ZNF438: variants seen among roughly 807,000 people sequenced by gnomAD.
ZNF438 encodes zinc finger protein 438.
A neutral mutation model predicts 38.0 loss-of-function variants in ZNF438; 25 were observed. The observed-to-expected ratio is 0.66, with a 90% confidence interval of 0.48 to 0.92. ZNF438 has a LOEUF of 0.92. ZNF438 is among the 40% of genes least tolerant of loss of function. ZNF438 has a pLI of 0.00. For missense variants in ZNF438, 1,007 were observed against 999.6 expected, an observed-to-expected ratio of 1.01 and a Z score of -0.10; for synonymous variants, 372 against 364.1, an observed-to-expected ratio of 1.02 and a Z score of -0.25.
chr10:30,974,985 C>A (rs1301628054), intron 1 of ZNF438, among the ~76,000 whole-genome samples: 12 of 152,164 alleles, frequency 7.9e-5, no homozygotes, highest in Admixed American at 3.3e-4. Flanking sequence ...ACCTGATAAT[C>A]CTGGAGAGGC....
intron 4 of ZNF438, among the ~76,000 whole-genome samples, chr10:30,859,290 C>T (rs559964113): frequency 2.6e-5 from 4 of 152,132 alleles, no homozygotes; most frequent in Non-Finnish European, 4.4e-5. Context: ...TATTTCCAGG[C>T]TGGTCTTGAA....
At chr10:31,013,758 C>T (rs1020621018) in intron 1 of ZNF438, among the ~76,000 whole-genome samples, 2 of 152,224 alleles carry the variant, frequency 1.3e-5, no homozygotes, top group Admixed American at 6.5e-5. Flanking sequence ...TCTTTTACCC[C>T]GCTGCACATA....
chr10:30,998,882 A>G (rs1188605526), intron 1 of ZNF438, among the ~76,000 whole-genome samples: 1 of 152,204 alleles, frequency 6.6e-6, no homozygotes, highest in Admixed American at 6.5e-5. Flanking sequence ...TAAACAATTT[A>G]TAAAAAGATT....
At chr10:30,875,737 T>C (rs562618743) in intron 4 of ZNF438, among the ~76,000 whole-genome samples, 5 of 152,344 alleles carry the variant, frequency 3.3e-5, no homozygotes, top group African/African-American at 7.2e-5. Flanking sequence ...GATCAACTCC[T>C]GGGTAAGAAT....
chr10:30,901,402 A>C lies in ZNF438; in HGVS notation c.-32+7531T>G, dbSNP rs574461237. 4.6e-5 allele frequency among the ~76,000 whole-genome samples: 7 copies of C among 151,580 alleles called. 1 individual carries two copies. In the South Asian group the frequency reaches 1.5e-3, roughly 32 times the overall value. ...CTCGCGCTGAGTGTTACAGTTCTTA[A>C]AGGCGGCACGTCCGGAGTTTGTTCC... On this transcript the variant is annotated intron_variant, in intron 3 of 5. Coordinates refer to ENST00000413025, the Ensembl canonical transcript of ZNF438.
chr10:30,966,872 T>C (rs569335182), intron 1 of ZNF438, among the ~76,000 whole-genome samples: 3 of 152,292 alleles, frequency 2.0e-5, no homozygotes, highest in South Asian at 2.1e-4. Context: ...AAAAATATTT[T>C]ATCTCATTGC....
chr10:30,898,974 A>T (rs1469903227), intron 3 of ZNF438, among the ~76,000 whole-genome samples: 2 of 152,150 alleles, frequency 1.3e-5, no homozygotes, highest in South Asian at 2.1e-4. Flanking sequence ...ATCATCACAA[A>T]TTTTTTTAAA....
At chr10:30,848,982 T>C (rs781017551) in exon 5 of ZNF438, 5 of 1,613,920 alleles carry the variant, frequency 3.1e-6, no homozygotes, top group Non-Finnish European at 4.2e-6. Flanking sequence ...TATTTAGGAG[T>C]GAGTGAATTA....
chr10:30,912,241 A>G (rs1257854995), intron 2 of ZNF438, among the ~76,000 whole-genome samples: 3 of 151,908 alleles, frequency 2.0e-5, no homozygotes, highest in Non-Finnish European at 4.4e-5. Context: ...GCCCCACTAC[A>G]CCACTCCTCC....
intron 1 of ZNF438, among the ~76,000 whole-genome samples, chr10:30,998,417 C>T (rs1452179781): frequency 1.3e-5 from 2 of 151,312 alleles, no homozygotes; most frequent in African/African-American, 4.9e-5. Flanking sequence ...GTGGCGGGCC[C>T]CTGTAGTCCC....
At position 30,888,998 on chromosome 10, in the gene ZNF438, A is replaced by G. The variant is rs145844179; in HGVS notation, c.-31-11933T>C. Among the ~76,000 whole-genome samples the G allele has an allele frequency of 2.2e-3, 330 of 152,316 alleles. 1 individual carries two copies. The highest frequency in any genetic ancestry group is 5.5e-3 in the Admixed American group (84 of 15,302). On this transcript the variant is annotated intron_variant, in intron 3 of 5. Coordinates refer to ENST00000413025, the Ensembl canonical transcript of ZNF438. ...TAATTTATACTCCCACCAACAGTGT[A>G]TAAGCCATTTCCTTTTCTCTTCAAC... is the stretch of plus-strand genomic sequence containing the variant.
At chr10:30,847,646 T>C (rs1358395065) in intron 5 of ZNF438, among the ~76,000 whole-genome samples, 3 of 152,168 alleles carry the variant, frequency 2.0e-5, no homozygotes, top group Non-Finnish European at 4.4e-5. Context: ...GGGAGCTCTG[T>C]CCTGGGAGCC....
At chr10:30,878,308 A>G (rs1382781571) in intron 3 of ZNF438, among the ~76,000 whole-genome samples, 1 of 152,124 alleles carries the variant, frequency 6.6e-6, no homozygotes, top group African/African-American at 2.4e-5. Flanking sequence ...TCAGTAGAGG[A>G]GAGAAGCAGC....
intron 1 of ZNF438, among the ~76,000 whole-genome samples, chr10:30,963,553 A>G (rs1348094589): frequency 6.6e-6 from 1 of 152,150 alleles, no homozygotes; most frequent in African/African-American, 2.4e-5. Flanking sequence ...TCAAATCAAG[A>G]TATAACTCAG....
intron 1 of ZNF438, among the ~76,000 whole-genome samples, chr10:30,973,239 G>A (rs1211835267): frequency 6.6e-6 from 1 of 152,140 alleles, no homozygotes; most frequent in Non-Finnish European, 1.5e-5. Flanking sequence ...ATGCCCTCAT[G>A]TACCTGGCAC....
chr10:30,869,262 T>C (rs950067783), intron 4 of ZNF438, among the ~76,000 whole-genome samples: 5 of 152,082 alleles, frequency 3.3e-5, no homozygotes, highest in African/African-American at 1.2e-4. Flanking sequence ...TGATCCCAGG[T>C]ACTTGGGAGG....
At chr10:30,948,182 G>A (rs1423329515) in intron 1 of ZNF438, among the ~76,000 whole-genome samples, 1 of 152,200 alleles carries the variant, frequency 6.6e-6, no homozygotes, top group Non-Finnish European at 1.5e-5. Flanking sequence ...ACCTGCAGCT[G>A]AGGGGTCCTG....
At chr10:30,959,745 C>T (rs2136000863) in intron 1 of ZNF438, among the ~76,000 whole-genome samples, 1 of 146,670 alleles carries the variant, frequency 6.8e-6, no homozygotes, top group South Asian at 2.2e-4. Flanking sequence ...CAGACTCCGT[C>T]TCAATAAATA....
At position 30,848,730 on chromosome 10, in the gene ZNF438, C is replaced by T. The variant is rs758773624; in HGVS notation, c.1675G>A (p.Gly559Ser). The T allele has an allele frequency of 2.1e-5, 34 of 1,614,118 alleles. No homozygotes were observed. Among genetic ancestry groups the T allele is most frequent in the East Asian group, 1.8e-4 (8 of 44,870 alleles). ...ATGAGTTTCTTCAGACGGTTCTCAC[C>T]ATGATGAAGTTTCATGTGTGTGCTC... is the stretch of plus-strand genomic sequence containing the variant. Residue 559 changes from glycine to serine, a missense_variant, in exon 5 of 6, where the codon GGT (glycine) becomes AGT (serine). Transcript: ENST00000413025.
Sources: allele counts gnomAD v4.1 joint callset (sites outside exome capture counted in the v4.1 genomes callset), GRCh38; gene constraint gnomAD v4.1.1; transcripts MANE v1.5; gene names NCBI Gene and HGNC (gene_info 2026-07-23, HGNC 2026-07-21).